RPS6KA2: variants seen among roughly 807,000 people sequenced by gnomAD.
The protein encoded by RPS6KA2 is ribosomal protein S6 kinase A2.
Under a neutral mutation model 91.8 loss-of-function variants are expected in RPS6KA2, and 42 were observed. The observed-to-expected ratio is 0.46, with a 90% confidence interval of 0.36 to 0.59. The LOEUF (loss-of-function observed/expected upper bound fraction) is 0.59. Among genes scored for constraint, RPS6KA2 ranks in the 20% least tolerant of loss-of-function variants. The pLI is 0.00. For missense variants in RPS6KA2, 798 were observed against 978.5 expected (o/e 0.82, Z 2.46); for synonymous variants, 414 against 393.6 (o/e 1.05, Z -0.61).
At position 166,419,873 on chromosome 6, in the gene RPS6KA2, A is replaced by T. The variant is rs1254075067; in HGVS notation, c.1820+9T>A. ...CTCCTCCTGACACCTGTTTGAGGTG[A>T]CTGCTTACCCTGCCAGCATGGTGTA... On this transcript the variant is annotated intron_variant, in intron 18 of 20. Coordinates refer to ENST00000265678, the MANE Select transcript of RPS6KA2 (RefSeq NM_021135.6). The surrounding 1 kb of genome is among the most constrained non-coding windows in gnomAD (Gnocchi z 5.6). 2.2e-5 allele frequency: 36 copies of T among 1,612,576 alleles called. No homozygotes were observed. The highest frequency in any genetic ancestry group is 2.7e-5 in the Non-Finnish European group (32 of 1,178,820).
At chr6:166,690,632 G>A (rs1031165176) in intron 2 of RPS6KA2, among the ~76,000 whole-genome samples, 6 of 152,196 alleles carry the variant, frequency 3.9e-5, no homozygotes, top group African/African-American at 1.4e-4. Context: ...CTGTGGATGA[G>A]GACACATCCG....
intron 2 of RPS6KA2, among the ~76,000 whole-genome samples, chr6:166,815,356 G>C (rs561242880): frequency 2.0e-4 from 31 of 152,306 alleles, no homozygotes; most frequent in African/African-American, 7.0e-4. Flanking sequence ...GATGCTGCCT[G>C]CCACATGCTT....
At chr6:166,614,651 G>C (rs1413303344) in intron 1 of RPS6KA2, among the ~76,000 whole-genome samples, 1 of 152,268 alleles carries the variant, frequency 6.6e-6, no homozygotes, top group Non-Finnish European at 1.5e-5. Context: ...CAGTTGTGGA[G>C]ATCGGAAGTT....
chr6:166,694,522 T>C (rs892230988), intron 2 of RPS6KA2, among the ~76,000 whole-genome samples: 1 of 152,262 alleles, frequency 6.6e-6, no homozygotes, highest in Non-Finnish European at 1.5e-5. Flanking sequence ...GAACAAAGCC[T>C]GGCCCAGAAG....
At chr6:166,720,180 CTATTT>C (rs1016420172) in intron 2 of RPS6KA2, among the ~76,000 whole-genome samples, 5 of 152,146 alleles carry the variant, frequency 3.3e-5, no homozygotes, top group African/African-American at 1.2e-4. Context: ...ATTCCTATTC[CTATTT>C]TATTTTAGGT....
At chr6:166,711,934 G>A (rs1789872508) in intron 2 of RPS6KA2, among the ~76,000 whole-genome samples, 1 of 152,134 alleles carries the variant, frequency 6.6e-6, no homozygotes, top group Non-Finnish European at 1.5e-5. Context: ...GAGAGAGAGA[G>A]AGGAGATACA....
At chr6:166,839,699 A>AGGGGAGGG (rs1780415917) in intron 2 of RPS6KA2, among the ~76,000 whole-genome samples, 7 of 19,498 alleles carry the variant, frequency 3.6e-4, no homozygotes, top group African/African-American at 1.7e-3. Context: ...AGAGGGGAGG[A>AGGGGAGGG]GAGGAGAGGA....
intron 16 of RPS6KA2, among the ~76,000 whole-genome samples, chr6:166,426,348 G>A (rs902383086): frequency 1.5e-5 from 2 of 134,022 alleles, no homozygotes; most frequent in African/African-American, 2.9e-5. Flanking sequence ...CAAGAGAAAG[G>A]AGGAAAGATC....
At position 166,493,403 on chromosome 6, in the gene RPS6KA2, G is replaced by C. The variant is rs1485395522; in HGVS notation, c.748-2662C>G. Among the ~76,000 whole-genome samples, 5 of 152,128 alleles carry C rather than the reference G, an allele frequency of 3.3e-5. No homozygotes were observed. The highest frequency in any genetic ancestry group is 2.0e-4 in the Admixed American group (3 of 15,272). Reference sequence around the variant, plus strand: ...TTCCAGTGCCGAAGCATTACTGACTGAGGTTTTGCTGATGAGTTTCTTGGG... The same window carrying C: ...TTCCAGTGCCGAAGCATTACTGACTCAGGTTTTGCTGATGAGTTTCTTGGG... On this transcript the variant is annotated intron_variant, in intron 8 of 20. Coordinates refer to ENST00000265678, the MANE Select transcript of RPS6KA2 (RefSeq NM_021135.6). This position sits in a 1 kb window ranked among gnomAD's most constrained non-coding sequence, Gnocchi z 4.7.
intron 8 of RPS6KA2, among the ~76,000 whole-genome samples, chr6:166,492,203 G>A (rs1239698566): frequency 6.6e-6 from 1 of 152,208 alleles, no homozygotes; most frequent in Non-Finnish European, 1.5e-5. Context: ...TTTGAAGCCT[G>A]TTCTGTCACA....
intron 1 of RPS6KA2, among the ~76,000 whole-genome samples, chr6:166,570,393 A>G (rs1784653807): frequency 2.0e-5 from 3 of 152,158 alleles, no homozygotes; most frequent in Admixed American, 2.0e-4. Flanking sequence ...CCCACTCCCC[A>G]CAGTCAGATG....
intron 1 of RPS6KA2, among the ~76,000 whole-genome samples, chr6:166,607,905 G>A (rs1275733763): frequency 1.3e-5 from 2 of 152,104 alleles, no homozygotes; most frequent in Non-Finnish European, 2.9e-5. Flanking sequence ...AGCTATTCAG[G>A]AGGCTGAGGC....
rs377599195 is a variant in RPS6KA2 at position 166,413,802 on chromosome 6, G to A, written c.2068C>T (p.Leu690=). ...PNQLSRQDVH[L]VKGAMAATYF... The stretch of plus-strand genomic sequence containing the variant: ...CTGTCGCCTGCCGGTACCTTCACCA[G>A]GTGCACGTCCTGTCGGCTGAGCTGG... The change falls in exon 20 of 21, where the codon CTG becomes TTG. Residue 690 remains leucine, a synonymous_variant. Coordinates refer to ENST00000265678, the MANE Select transcript of RPS6KA2 (RefSeq NM_021135.6). 1 of 1,614,006 alleles carries A rather than the reference G, an allele frequency of 6.2e-7. No homozygotes were observed. Among genetic ancestry groups the A allele is most frequent in the Non-Finnish European group, 8.5e-7 (1 of 1,179,988 alleles).
In RPS6KA2 at chr6:166,702,490, G is replaced by C; in HGVS notation, c.123+155710C>G. On this transcript the variant is annotated intron_variant, in intron 2 of 21. Coordinates refer to the RPS6KA2 transcript ENST00000503859. ...GGTTACATTTACAACTGCAGTTTCC[G>C]AGTCAGTGTTCACTTGCTGACAGCT... 3 of 1,578,660 alleles carry C rather than the reference G, an allele frequency of 1.9e-6. No individual in the cohort carries two copies. The Admixed American group carries it at 5.0e-5, about 26-fold the overall frequency.
intron 10 of RPS6KA2, among the ~76,000 whole-genome samples, chr6:166,476,897 T>C (rs1462588305): frequency 2.0e-5 from 3 of 152,114 alleles, no homozygotes; most frequent in Admixed American, 2.0e-4. Context: ...TTGCCTTGCA[T>C]ATCCATGCGA....
At chr6:166,460,276 C>T (rs535984731) in intron 11 of RPS6KA2, among the ~76,000 whole-genome samples, 53 of 152,378 alleles carry the variant, frequency 3.5e-4, no homozygotes, top group South Asian at 1.2e-3. Flanking sequence ...CTCTGTGCTC[C>T]GGTCTCAGAG....
chr6:166,443,325 G>GT (rs1404204071), intron 14 of RPS6KA2, among the ~76,000 whole-genome samples: 1 of 151,764 alleles, frequency 6.6e-6, no homozygotes, highest in East Asian at 1.9e-4. Flanking sequence ...TTCAACTTTT[G>GT]TTTTTTTTGG....
chr6:166,574,308 C>A (rs1190114419), intron 1 of RPS6KA2, among the ~76,000 whole-genome samples: 1 of 152,100 alleles, frequency 6.6e-6, no homozygotes, highest in Non-Finnish European at 1.5e-5. Context: ...AGTTCACATG[C>A]CCCTCCTTCC....
intron 1 of RPS6KA2, among the ~76,000 whole-genome samples, chr6:166,593,301 A>AGAAAG (rs1785417510): frequency 6.6e-6 from 1 of 152,214 alleles, no homozygotes; most frequent in South Asian, 2.1e-4. Flanking sequence ...GAAATAGAAG[A>AGAAAG]GAATGGAATG....
Sources: gnomAD v4.1 joint callset for allele counts (sites outside exome capture counted in the v4.1 genomes callset) on GRCh38, gnomAD v4.1.1 for gene constraint, Gnocchi (gnomAD v3.1) non-coding constraint, MANE v1.5 for transcripts, NCBI Gene and HGNC (gene_info 2026-07-23, HGNC 2026-07-21) for gene names.